HDX: variants seen among roughly 807,000 people sequenced by gnomAD.
The protein encoded by HDX is highly divergent homeobox, also known as chromosome X open reading frame 43.
In HDX, 19 loss-of-function variants were observed where a neutral mutation model predicts 45.2. That is an observed-to-expected ratio of 0.42 (90% CI 0.29 to 0.62). The LOEUF (loss-of-function observed/expected upper bound fraction) is 0.62. Ranked by LOEUF, HDX falls within the 20% of genes least tolerant of loss-of-function variation. The pLI, the probability that HDX is intolerant of heterozygous loss-of-function variation, is 0.20. For missense variants in HDX, 532 were observed against 493.9 expected (o/e 1.08, Z -0.73); for synonymous variants, 188 against 172.8 (o/e 1.09, Z -0.69).
At chrX:84,433,178 A>G (rs1049897164) in intron 5 of HDX, among the ~76,000 whole-genome samples, 5 of 111,006 alleles carry the variant, frequency 4.5e-5, no homozygotes, top group Non-Finnish European at 7.6e-5. Context: ...GTTTGATACA[A>G]TCCGATTTAT....
chrX:84,486,341 T>C (rs767522993), intron 2 of HDX, among the ~76,000 whole-genome samples: 120 of 111,605 alleles, frequency 1.1e-3, no homozygotes, highest in Non-Finnish European at 1.7e-3. Context: ...TTAAAAACCC[T>C]GATAGACAAT....
chrX:84,394,026 T>C (rs2038503407), intron 5 of HDX, among the ~76,000 whole-genome samples: 1 of 111,365 alleles, frequency 9.0e-6, no homozygotes, highest in East Asian at 2.8e-4. Context: ...CTTATCTTTA[T>C]TCCCTTTTCC....
At chrX:84,420,977 C>T (rs2039240340) in intron 5 of HDX, among the ~76,000 whole-genome samples, 2 of 112,097 alleles carry the variant, frequency 1.8e-5, no homozygotes, top group South Asian at 7.4e-4. Context: ...CAAACAGAAG[C>T]TAAAGGATTT....
intron 5 of HDX, among the ~76,000 whole-genome samples, chrX:84,416,305 G>C (rs183109314): frequency 9.0e-6 from 1 of 111,501 alleles, no homozygotes; most frequent in East Asian, 2.8e-4. Context: ...TCAGCAATAA[G>C]CCAAACTTGA....
At chrX:84,393,730 T>C (rs1324868709) in intron 5 of HDX, among the ~76,000 whole-genome samples, 1 of 110,916 alleles carries the variant, frequency 9.0e-6, no homozygotes, top group Non-Finnish European at 1.9e-5. Flanking sequence ...TTCCATTTTT[T>C]TCTAATTTGA....
At chrX:84,442,575 C>T (rs1478391444) in intron 4 of HDX, among the ~76,000 whole-genome samples, 2 of 111,045 alleles carry the variant, frequency 1.8e-5, no homozygotes, top group Non-Finnish European at 3.8e-5. Flanking sequence ...TAATGATGAG[C>T]TGAAGGTGAT....
At chrX:84,361,349 G>C (rs965321359) in intron 6 of HDX, 117 bp downstream of exon 6, 6 of 555,265 alleles carry the variant, frequency 1.1e-5, no homozygotes, top group Non-Finnish European at 1.7e-5. Flanking sequence ...CTCCTATCCT[G>C]TGGGTTATCT....
chrX:84,415,469 A>G (rs2039082380), intron 5 of HDX, among the ~76,000 whole-genome samples: 1 of 111,631 alleles, frequency 9.0e-6, no homozygotes, highest in South Asian at 3.8e-4. Flanking sequence ...TTGTGCTCCA[A>G]GAGGTACCAT....
chrX:84,395,560 T>C (rs149048064), intron 5 of HDX, among the ~76,000 whole-genome samples: 2,220 of 111,475 alleles, frequency 0.02, 53 homozygotes, highest in African/African-American at 0.069. Context: ...AAAAGACCTT[T>C]ATGCATTGTG....
chrX:84,354,072 A>G (rs1207556219), intron 6 of HDX, among the ~76,000 whole-genome samples: 1 of 111,898 alleles, frequency 8.9e-6, no homozygotes, highest in Non-Finnish European at 1.9e-5. Flanking sequence ...CAACCATTTT[A>G]TATGATCAAT....
intron 2 of HDX, among the ~76,000 whole-genome samples, chrX:84,486,473 AATTTTCTCCTGCTATC>A (rs1359826653): frequency 9.0e-6 from 1 of 111,475 alleles, no homozygotes; most frequent in Non-Finnish European, 1.9e-5. Context: ...CTGAAACTCA[AATTTTCTCCTGCTATC>A]ATTTCCATTC....
intron 10 of HDX, 123 bp downstream of exon 10, chrX:84,326,055 A>G: frequency 1.5e-6 from 1 of 670,539 alleles, no homozygotes; most frequent in East Asian, 3.3e-5. Flanking sequence ...ATGAAATAAC[A>G]AATATTTCCT....
At chrX:84,482,200 T>A (rs1373181436) in intron 2 of HDX, among the ~76,000 whole-genome samples, 2 of 111,814 alleles carry the variant, frequency 1.8e-5, no homozygotes, top group Non-Finnish European at 3.8e-5. Context: ...ATCTTTTAGA[T>A]AAAACAATTT....
intron 5 of HDX, among the ~76,000 whole-genome samples, chrX:84,379,557 C>G (rs1396792771): frequency 9.0e-6 from 1 of 111,064 alleles, no homozygotes; most frequent in African/African-American, 3.3e-5. Flanking sequence ...ATGAATAAAA[C>G]TAGAAATCAA....
At chrX:84,496,165 C>A (rs1862169006) in intron 1 of HDX, among the ~76,000 whole-genome samples, 1 of 111,817 alleles carries the variant, frequency 8.9e-6, no homozygotes, top group African/African-American at 3.2e-5. Flanking sequence ...CTTAATGATA[C>A]AATGCATACT....
chrX:84,484,646 G>A (rs2040753027), intron 2 of HDX, among the ~76,000 whole-genome samples: 1 of 111,788 alleles, frequency 8.9e-6, no homozygotes, highest in African/African-American at 3.3e-5. Context: ...CCTACCAATA[G>A]CATGTAAGTG....
At chrX:84,417,018 G>C (rs1037580194) in intron 5 of HDX, among the ~76,000 whole-genome samples, 1 of 109,355 alleles carries the variant, frequency 9.1e-6, no homozygotes, top group African/African-American at 3.3e-5. Context: ...AGCCGGGCAT[G>C]GTGGTGGGAG....
chrX:84,437,219 A>ACAT (rs2148052063), intron 5 of HDX, among the ~76,000 whole-genome samples: 1 of 111,442 alleles, frequency 9.0e-6, no homozygotes, highest in East Asian at 2.8e-4. Flanking sequence ...ACAAAGGCAA[A>ACAT]CATTATATAG....
intron 9 of HDX, among the ~76,000 whole-genome samples, chrX:84,330,772 G>A (rs1446099305): frequency 9.0e-6 from 1 of 111,698 alleles, no homozygotes; most frequent in African/African-American, 3.2e-5. Context: ...CAGTATTTAT[G>A]CAATGTTTGA....
Sources: allele counts gnomAD v4.1 joint callset (sites outside exome capture counted in the v4.1 genomes callset), GRCh38; gene constraint gnomAD v4.1.1; transcripts MANE v1.5; gene names NCBI Gene and HGNC (gene_info 2026-07-23, HGNC 2026-07-21).